The following VPS13B variants were observed in gnomAD, a reference collection of about 807,000 sequenced individuals.
The protein encoded by VPS13B is intermembrane lipid transfer protein VPS13B.
A neutral mutation model predicts 426.4 loss-of-function variants in VPS13B; 285 were observed. The observed-to-expected ratio is 0.67, with a 90% CI of 0.61 to 0.74. The LOEUF (loss-of-function observed/expected upper bound fraction) is 0.74. Among genes scored for constraint, VPS13B ranks in the 30% least tolerant of loss-of-function variants. VPS13B has a pLI of 0.00. For missense variants in VPS13B, 4,537 were observed against 4,782.6 expected, an observed-to-expected ratio of 0.95 and a Z score of 1.51; for synonymous variants, 1,676 against 1,676.4, an observed-to-expected ratio of 1.00 and a Z score of 0.01.
chr8:99,507,898 G>A (rs1405780527), intron 28 of VPS13B: 1 of 1,613,958 alleles, frequency 6.2e-7, no homozygotes, highest in Non-Finnish European at 8.5e-7. Context: ...AATTGCTCTG[G>A]CTTCTTTCCT....
At chr8:99,053,560 T>C (rs1843676066) in intron 3 of VPS13B, among the ~76,000 whole-genome samples, 1 of 152,124 alleles carries the variant, frequency 6.6e-6, no homozygotes, top group African/African-American at 2.4e-5. Flanking sequence ...TCTAAGTACC[T>C]CAAGTAAGTG....
intron 49 of VPS13B, 78 bp downstream of exon 49, chr8:99,820,200 T>C: frequency 7.2e-7 from 1 of 1,383,774 alleles, no homozygotes; most frequent in East Asian, 2.3e-5. Flanking sequence ...GTTTATGATC[T>C]TAACAGAATG....
At chr8:99,438,034 CTT>C (rs746500253) in intron 22 of VPS13B, among the ~76,000 whole-genome samples, 33 of 120,586 alleles carry the variant, frequency 2.7e-4, no homozygotes, top group East Asian at 2.2e-3. Flanking sequence ...TTCTTTTCCT[CTT>C]TTTTTTTTTT....
chr8:99,368,252 T>G (rs2133254661), intron 19 of VPS13B, among the ~76,000 whole-genome samples: 1 of 152,344 alleles, frequency 6.6e-6, no homozygotes, highest in South Asian at 2.1e-4. Flanking sequence ...TTTTCAGGTT[T>G]CTCTTATAAT....
At chr8:99,195,183 T>C (rs566107850) in intron 17 of VPS13B, among the ~76,000 whole-genome samples, 9 of 152,222 alleles carry the variant, frequency 5.9e-5, no homozygotes, top group Admixed American at 4.6e-4. Flanking sequence ...TCCACATCCT[T>C]GCTAACACTT....
At chr8:99,219,953 C>G (rs1433705022) in intron 17 of VPS13B, among the ~76,000 whole-genome samples, 1 of 152,106 alleles carries the variant, frequency 6.6e-6, no homozygotes, top group Non-Finnish European at 1.5e-5. Context: ...CAGATCGAGC[C>G]AGTTGTAATG....
intron 40 of VPS13B, 128 bp from the exon 41 acceptor site, chr8:99,776,647 G>C: frequency 1.1e-6 from 1 of 914,760 alleles, no homozygotes; most frequent in South Asian, 1.5e-5. Flanking sequence ...AAATACAGAA[G>C]ATTTGATAAA....
At chr8:99,650,985 G>A (rs1047983602) in intron 34 of VPS13B, among the ~76,000 whole-genome samples, 4 of 151,918 alleles carry the variant, frequency 2.6e-5, no homozygotes, top group African/African-American at 7.3e-5. Context: ...AAGTATTCTC[G>A]AGATGATTTA....
intron 3 of VPS13B, among the ~76,000 whole-genome samples, chr8:99,090,345 G>T (rs1265754270): frequency 6.7e-6 from 1 of 148,622 alleles, no homozygotes; most frequent in Non-Finnish European, 1.5e-5. Flanking sequence ...TTGGCTCACT[G>T]CAACCTCTAC....
chr8:99,781,992 T>A (rs924547637), intron 42 of VPS13B, among the ~76,000 whole-genome samples: 1 of 152,152 alleles, frequency 6.6e-6, no homozygotes, highest in African/African-American at 2.4e-5. Context: ...TCCAGTTTGA[T>A]TGAAGGTTTG....
chr8:99,029,775 C>G (rs982363283), intron 2 of VPS13B, among the ~76,000 whole-genome samples: 60 of 120,880 alleles, frequency 5.0e-4, no homozygotes, highest in African/African-American at 1.6e-3. Context: ...GGAAGGAGAC[C>G]GTGGAAAGAG....
At chr8:99,028,823 G>A (rs1338887912) in intron 2 of VPS13B, among the ~76,000 whole-genome samples, 3 of 60,018 alleles carry the variant, frequency 5.0e-5, no homozygotes, top group African/African-American at 7.5e-5. Context: ...CCTCCCAGAT[G>A]GGGCGGCTGG....
rs150815266 is a variant in VPS13B at position 99,174,336 on chromosome 8, A to G, written c.2333+4173A>G. 7.2e-5 allele frequency among the ~76,000 whole-genome samples: 11 copies of G among 152,242 alleles called. No homozygotes were observed. In the East Asian group the frequency reaches 1.9e-3, roughly 27 times the overall value. On this transcript the variant is annotated intron_variant, in intron 16 of 61. Coordinates refer to ENST00000357162, the MANE Select transcript of VPS13B (RefSeq NM_152564.5). ...CTGCTTTCAGTTATTTTGAGTATAT[A>G]CCTAGAAGTGGAATTGCTGTATCAT...
intron 24 of VPS13B, among the ~76,000 whole-genome samples, chr8:99,473,532 A>T (rs1285597724): frequency 6.6e-6 from 1 of 152,140 alleles, no homozygotes; most frequent in Non-Finnish European, 1.5e-5. Context: ...GATAGAGATC[A>T]TATAAGGGAA....
intron 19 of VPS13B, among the ~76,000 whole-genome samples, chr8:99,316,980 A>G (rs1172769034): frequency 6.6e-6 from 1 of 152,226 alleles, no homozygotes; most frequent in Non-Finnish European, 1.5e-5. Flanking sequence ...AAATACAGAA[A>G]CAAATGTTCT....
intron 35 of VPS13B, among the ~76,000 whole-genome samples, chr8:99,693,207 C>G (rs1468637026): frequency 6.6e-6 from 1 of 151,300 alleles, no homozygotes; most frequent in Non-Finnish European, 1.5e-5. Context: ...AGGCCAACAT[C>G]ATTCTGATAC....
At position 99,577,575 on chromosome 8, in the gene VPS13B, T is replaced by TA; in HGVS notation, c.5163dup (p.His1722ThrfsTer22). 6.2e-7 allele frequency: 1 copy of TA among 1,613,882 alleles called. No homozygotes were observed. The highest frequency in any genetic ancestry group is 8.5e-7 in the Non-Finnish European group (1 of 1,179,780). On this transcript the variant is annotated frameshift_variant, in exon 33 of 62. Coordinates refer to ENST00000357162, the MANE Select transcript of VPS13B (RefSeq NM_152564.5). LOFTEE classifies it high-confidence loss of function. ...CTAAGTGTGGCTCAAGTTCAACTCTTACATCAGTTAATAGTAGCAAATATG... is the reference window on the plus strand; with the variant it reads ...CTAAGTGTGGCTCAAGTTCAACTCTTAACATCAGTTAATAGTAGCAAATATG...
chr8:99,142,966 T>C lies in VPS13B; in HGVS notation c.1652-8T>C. ...GATGCTTAAAATATAAAATTTGACT[T>C]CTTTTAGGTTCCACAAATCAACAAG... On this transcript the variant is annotated splice_polypyrimidine_tract_variant and splice_region_variant and intron_variant, in intron 12 of 61. Transcript: ENST00000357162. 2 of 1,610,584 alleles carry C rather than the reference T, an allele frequency of 1.2e-6. No individual in the cohort carries two copies. The highest frequency in any genetic ancestry group is 1.7e-6 in the Non-Finnish European group (2 of 1,178,424).
intron 19 of VPS13B, among the ~76,000 whole-genome samples, chr8:99,341,969 A>C (rs1445278913): frequency 6.6e-6 from 1 of 152,212 alleles, no homozygotes; most frequent in Non-Finnish European, 1.5e-5. Context: ...TATAATTCTT[A>C]ATTCAGGCAC....
Sources: gnomAD v4.1 joint callset for allele counts (sites outside exome capture counted in the v4.1 genomes callset) on GRCh38, gnomAD v4.1.1 for gene constraint, MANE v1.5 for transcripts, NCBI Gene and HGNC (gene_info 2026-07-23, HGNC 2026-07-21) for gene names.